CTNNA2: variants seen among roughly 807,000 people sequenced by gnomAD.
The protein encoded by CTNNA2 is catenin alpha-2.
Under a neutral mutation model 101.0 loss-of-function variants are expected in CTNNA2, and 42 were observed. The ratio of observed to expected loss-of-function variants is 0.42; its 90% CI spans 0.32 to 0.54. The LOEUF is 0.54. CTNNA2 is among the 20% of genes least tolerant of loss of function. The pLI is 0.14. For synonymous variants in CTNNA2, 450 were observed against 456.4 expected, an observed-to-expected ratio of 0.99 and a Z score of 0.18; for missense variants, 871 against 1,223.1, an observed-to-expected ratio of 0.71 and a Z score of 4.29.
At chr2:79,282,190 G>A (rs1675406733) in intron 2 of CTNNA2, among the ~76,000 whole-genome samples, 1 of 151,888 alleles carries the variant, frequency 6.6e-6, no homozygotes, top group African/African-American at 2.4e-5. Context: ...AATATTAAGT[G>A]GAACTATACC....
At chr2:79,742,725 C>T (rs1205547950) in intron 2 of CTNNA2, among the ~76,000 whole-genome samples, 2 of 152,218 alleles carry the variant, frequency 1.3e-5, no homozygotes, top group African/African-American at 4.8e-5. Context: ...TACAGCTAAA[C>T]CACTATTATC....
chr2:80,146,720 T>TTTG (rs1558851341), intron 7 of CTNNA2, among the ~76,000 whole-genome samples: 1 of 104,316 alleles, frequency 9.6e-6, no homozygotes, highest in Non-Finnish European at 1.9e-5. Context: ...GTTTTTTTTT[T>TTTG]TTTTTTTTTT....
chr2:79,843,827 A>G (rs967495067), intron 3 of CTNNA2, among the ~76,000 whole-genome samples: 2 of 152,174 alleles, frequency 1.3e-5, no homozygotes, highest in Non-Finnish European at 2.9e-5. Context: ...AAATTACTCC[A>G]ACTCCAACTC....
intron 4 of CTNNA2, among the ~76,000 whole-genome samples, chr2:79,397,352 C>T (rs1038501652): frequency 2.6e-5 from 4 of 151,990 alleles, no homozygotes; most frequent in African/African-American, 9.7e-5. Flanking sequence ...CCCTTAATCA[C>T]CTTCTCTTCA....
intron 1 of CTNNA2, among the ~76,000 whole-genome samples, chr2:79,193,781 C>T (rs975246673): frequency 2.6e-5 from 4 of 152,128 alleles, no homozygotes; most frequent in African/African-American, 9.7e-5. Context: ...ACATCTTTGT[C>T]TCCATTAAAA....
chr2:80,026,994 A>G (rs990445752), intron 7 of CTNNA2, among the ~76,000 whole-genome samples: 1 of 152,176 alleles, frequency 6.6e-6, no homozygotes, highest in Non-Finnish European at 1.5e-5. Context: ...GTGAGGTGGG[A>G]GTAGGGCTAG....
At chr2:80,004,720 C>G (rs1574517078) in intron 7 of CTNNA2, among the ~76,000 whole-genome samples, 1 of 150,106 alleles carries the variant, frequency 6.7e-6, no homozygotes, top group Admixed American at 6.6e-5. Flanking sequence ...TCCATCCATC[C>G]GAGATGGAGT....
chr2:80,519,076 G>C (rs1406302832), intron 9 of CTNNA2, among the ~76,000 whole-genome samples: 3 of 152,082 alleles, frequency 2.0e-5, no homozygotes, highest in Admixed American at 6.6e-5. Flanking sequence ...CCTGGAGCTT[G>C]ATTTGATAAG....
At position 80,232,263 on chromosome 2, in the gene CTNNA2, T is replaced by TCATCGTC. The variant is rs1709257625; in HGVS notation, c.1057-160946_1057-160940dup. 3.3e-5 allele frequency among the ~76,000 whole-genome samples: 5 copies of TCATCGTC among 150,868 alleles called. No individual in the cohort carries two copies. The South Asian group carries it at 1.0e-3, about 32-fold the overall frequency. ...GGACCTCCTGAGGCTATGTTACAGGTCATCGTCCTCATATTTGACTTGGAA... is the reference window on the plus strand; with the variant it reads ...GGACCTCCTGAGGCTATGTTACAGGTCATCGTCCATCGTCCTCATATTTGACTTGGAA... On this transcript the variant is annotated intron_variant, in intron 7 of 18. Transcript: ENST00000402739.
chr2:80,148,869 C>T (rs1703513664), intron 7 of CTNNA2, among the ~76,000 whole-genome samples: 2 of 152,236 alleles, frequency 1.3e-5, no homozygotes, highest in African/African-American at 4.8e-5. Flanking sequence ...TGCAGATCAT[C>T]TTCTTTATTG....
At chr2:80,478,539 T>G (rs552473803) in intron 9 of CTNNA2, among the ~76,000 whole-genome samples, 2 of 152,308 alleles carry the variant, frequency 1.3e-5, no homozygotes, top group Admixed American at 6.5e-5. Flanking sequence ...AACTTAAGTC[T>G]TTAACACATC....
At chr2:79,407,537 C>T (rs773565965) in intron 4 of CTNNA2, among the ~76,000 whole-genome samples, 2 of 151,940 alleles carry the variant, frequency 1.3e-5, no homozygotes, top group Admixed American at 6.6e-5. Context: ...CAATATCCTA[C>T]TTATCTATCC....
At chr2:80,048,076 G>T (rs1481055934) in intron 7 of CTNNA2, among the ~76,000 whole-genome samples, 1 of 151,868 alleles carries the variant, frequency 6.6e-6, no homozygotes, top group African/African-American at 2.4e-5. Flanking sequence ...TGAAAATAAT[G>T]GTTTAAAGAC....
chr2:79,233,267 T>C (rs1292655984), intron 2 of CTNNA2, among the ~76,000 whole-genome samples: 2 of 152,200 alleles, frequency 1.3e-5, no homozygotes, highest in Non-Finnish European at 2.9e-5. Flanking sequence ...CTATATTCAT[T>C]AATTTCAAAT....
intron 2 of CTNNA2, among the ~76,000 whole-genome samples, chr2:79,242,991 T>C (rs62156570): frequency 0.68 from 82,123 of 120,020 alleles, 27,531 homozygotes; most frequent in East Asian, 0.83. Context: ...TATATATATA[T>C]ATACACACAC....
chr2:80,533,138 C>A (rs1201422877), intron 9 of CTNNA2, among the ~76,000 whole-genome samples: 2 of 152,168 alleles, frequency 1.3e-5, no homozygotes, highest in Non-Finnish European at 2.9e-5. Flanking sequence ...TAGGTATCCT[C>A]CATCCATATA....
chr2:80,085,775 C>G (rs1260448794), intron 7 of CTNNA2, among the ~76,000 whole-genome samples: 1 of 151,858 alleles, frequency 6.6e-6, no homozygotes, highest in Non-Finnish European at 1.5e-5. Flanking sequence ...TTAAGGTTCC[C>G]TCTTTGTGTC....
intron 2 of CTNNA2, among the ~76,000 whole-genome samples, chr2:79,303,158 A>T (rs924970688): frequency 3.9e-5 from 6 of 152,136 alleles, no homozygotes; most frequent in Non-Finnish European, 8.8e-5. Context: ...AAGGTTGGAA[A>T]ATCAACCTTG....
chr2:80,056,201 A>G (rs574885734), intron 7 of CTNNA2, among the ~76,000 whole-genome samples: 31 of 152,258 alleles, frequency 2.0e-4, no homozygotes, highest in African/African-American at 7.5e-4. Flanking sequence ...GCTGGCGGAA[A>G]GAGAAAAAGC....
Sources: gnomAD v4.1 joint callset for allele counts (sites outside exome capture counted in the v4.1 genomes callset) on GRCh38, gnomAD v4.1.1 for gene constraint, MANE v1.5 for transcripts, NCBI Gene and HGNC (gene_info 2026-07-23, HGNC 2026-07-21) for gene names.